Variants in PAPPA observed in about 807,000 individuals in gnomAD.
The protein encoded by PAPPA is pappalysin-1.
PAPPA carries 60 observed loss-of-function variants against 164.0 expected under a neutral mutation model. That is an observed-to-expected ratio of 0.37 (90% confidence interval 0.30 to 0.45). The LOEUF (loss-of-function observed/expected upper bound fraction) is 0.45, where lower values mean the gene tolerates loss of function less well. Ranked by LOEUF, PAPPA falls within the 20% of genes least tolerant of loss-of-function variation. The pLI is 1.00. For synonymous variants in PAPPA, 875 were observed against 814.1 expected, an observed-to-expected ratio of 1.07 and a Z score of -1.27; for missense variants, 1,782 against 2,087.3, an observed-to-expected ratio of 0.85 and a Z score of 2.85.
chr9:116,231,472 C>T (rs1307313101), intron 6 of PAPPA, among the ~76,000 whole-genome samples: 1 of 152,134 alleles, frequency 6.6e-6, no homozygotes, highest in East Asian at 1.9e-4. Context: ...CTTGCCATCT[C>T]CTTGCATGCT....
chr9:116,178,169 C>T (rs1027775422), intron 1 of PAPPA, among the ~76,000 whole-genome samples: 21 of 152,172 alleles, frequency 1.4e-4, no homozygotes, highest in Admixed American at 2.0e-4. Flanking sequence ...TGCAGTGGCG[C>T]GATCTCGGCT....
chr9:116,337,101 C>T lies in PAPPA; in HGVS notation c.3611+2027C>T, dbSNP rs578262575. 5.9e-5 allele frequency among the ~76,000 whole-genome samples: 9 copies of T among 152,298 alleles called. No homozygotes were observed. The East Asian group carries it at 7.7e-4, about 13-fold the overall frequency. On this transcript the variant is annotated intron_variant, in intron 13 of 21. Transcript: ENST00000328252. Reference sequence around the variant, plus strand: ...TCCTGCTTTGTCTGTCCCTGAAAGCCGTGCTCTGCCTACCACAGCAAGGCA... The same window carrying T: ...TCCTGCTTTGTCTGTCCCTGAAAGCTGTGCTCTGCCTACCACAGCAAGGCA...
intron 9 of PAPPA, among the ~76,000 whole-genome samples, chr9:116,299,341 A>T (rs957849604): frequency 6.6e-6 from 1 of 152,018 alleles, no homozygotes; most frequent in African/African-American, 2.4e-5. Context: ...ACCTGCCTGT[A>T]TACCTGTTTA....
At chr9:116,314,058 A>ATTTTTTTTTTTTTT (rs1845756003) in intron 10 of PAPPA, among the ~76,000 whole-genome samples, 1 of 109,900 alleles carries the variant, frequency 9.1e-6, no homozygotes, top group Non-Finnish European at 1.9e-5. Context: ...ATTGCATCGA[A>ATTTTTTTTTTTTTT]TCTTTTTTTT....
At position 116,332,768 on chromosome 9, in the gene PAPPA, T is replaced by C. The variant is rs78273476; in HGVS notation, c.3397+300T>C. ...GACCCCAAGAAGGAGAGAGACTGAG[T>C]AAGAGCCATTTCCCCGTTGTACATG... On this transcript the variant is annotated intron_variant, in intron 12 of 21. Coordinates refer to ENST00000328252, the MANE Select transcript of PAPPA (RefSeq NM_002581.5). 493 of 246,288 alleles carry C rather than the reference T, an allele frequency of 2.0e-3. 4 individuals are homozygous for C. Among genetic ancestry groups the C allele is most frequent in the African/African-American group, 0.01 (465 of 45,732 alleles). The allele number at this position is 246,288 out of a possible 1,614,324, so 15.3% of individuals were successfully genotyped here.
chr9:116,175,171 G>C (rs1402455322), intron 1 of PAPPA, among the ~76,000 whole-genome samples: 2 of 152,112 alleles, frequency 1.3e-5, no homozygotes, highest in African/African-American at 4.8e-5. Context: ...AACATCGAGG[G>C]CCAGAAAGTT....
rs546002936 is a variant in PAPPA, at chr9:116,369,612, C to A, written c.4605+1858C>A. Among the ~76,000 whole-genome samples, 645 of 152,268 alleles carry A rather than the reference C, an allele frequency of 4.2e-3. 3 individuals carry two copies. The highest frequency in any genetic ancestry group is 0.015 in the African/African-American group (614 of 41,560). On this transcript the variant is annotated intron_variant, in intron 19 of 21. Transcript: ENST00000328252. Reference sequence around the variant, plus strand: ...TATCAGAGATCTTCTTGGCCTGGACCAGCCTCCCACTTAAGACCTTTTTCC... The same window carrying A: ...TATCAGAGATCTTCTTGGCCTGGACAAGCCTCCCACTTAAGACCTTTTTCC...
At chr9:116,351,671 A>G (rs1320716619) in intron 15 of PAPPA, among the ~76,000 whole-genome samples, 1 of 152,216 alleles carries the variant, frequency 6.6e-6, no homozygotes, top group Non-Finnish European at 1.5e-5. Flanking sequence ...TAACTTGGTC[A>G]AGTCACCTCT....
intron 20 of PAPPA, among the ~76,000 whole-genome samples, chr9:116,378,250 A>G (rs956027658): frequency 1.3e-5 from 2 of 152,172 alleles, no homozygotes; most frequent in African/African-American, 4.8e-5. Flanking sequence ...TTGGAATTAT[A>G]GAGATCTGTC....
intron 10 of PAPPA, among the ~76,000 whole-genome samples, chr9:116,313,726 T>C (rs993176155): frequency 6.6e-6 from 1 of 152,194 alleles, no homozygotes; most frequent in South Asian, 2.1e-4. Context: ...TAGCCACCTA[T>C]GATATTAAGC....
chr9:116,345,095 T>G (rs911446201), intron 14 of PAPPA, among the ~76,000 whole-genome samples: 4 of 152,182 alleles, frequency 2.6e-5, no homozygotes, highest in African/African-American at 9.7e-5. Flanking sequence ...ATTCACTAAT[T>G]CATTGCAAAG....
At chr9:116,392,863 G>T (rs1250724300) in intron 21 of PAPPA, among the ~76,000 whole-genome samples, 2 of 152,180 alleles carry the variant, frequency 1.3e-5, no homozygotes, top group African/African-American at 4.8e-5. Flanking sequence ...CCAGGGACTT[G>T]CTGAAAGTCA....
At chr9:116,285,025 TGA>T (rs1317917335) in intron 9 of PAPPA, among the ~76,000 whole-genome samples, 3 of 152,102 alleles carry the variant, frequency 2.0e-5, no homozygotes, top group Non-Finnish European at 4.4e-5. Context: ...GCTCTCCAAT[TGA>T]GAGTGTCAGA....
chr9:116,302,861 C>A lies in PAPPA; in HGVS notation c.3058C>A (p.Leu1020Met). 1 of 1,614,064 alleles carries A rather than the reference C, an allele frequency of 6.2e-7. No individual in the cohort carries two copies. Among genetic ancestry groups the A allele is most frequent in the South Asian group, 1.1e-5 (1 of 91,074 alleles). ...DCGVYTPQGF[L>M]DQWASNASVS... ...TGGTGTCTACACGCCCCAGGGATTCCTGGATCAGTGGGCATCCAATGCTTC... is the reference window on the plus strand; with the variant it reads ...TGGTGTCTACACGCCCCAGGGATTCATGGATCAGTGGGCATCCAATGCTTC... The change falls in exon 10 of 22, where the codon CTG becomes ATG. Residue 1020 changes from leucine (L) to methionine (M), a missense_variant. This residue lies in a region of PAPPA where 1,324 missense variants were observed against 1,656.9 expected (regional missense o/e 0.80). Coordinates refer to ENST00000328252, the MANE Select transcript of PAPPA (RefSeq NM_002581.5).
chr9:116,262,334 A>G (rs564324418), intron 7 of PAPPA, among the ~76,000 whole-genome samples: 9 of 152,358 alleles, frequency 5.9e-5, no homozygotes, highest in Non-Finnish European at 1.3e-4. Context: ...ACTACTACGG[A>G]TGGTTGAAGT....
intron 1 of PAPPA, among the ~76,000 whole-genome samples, chr9:116,167,855 C>G (rs1843733804): frequency 6.6e-6 from 1 of 152,174 alleles, no homozygotes; most frequent in Admixed American, 6.5e-5. Flanking sequence ...AATTCTAAAG[C>G]TGGAGTAACA....
chr9:116,391,460 C>A (rs945145820), intron 21 of PAPPA, among the ~76,000 whole-genome samples: 4 of 152,292 alleles, frequency 2.6e-5, no homozygotes, highest in Non-Finnish European at 4.4e-5. Flanking sequence ...CCAACCGGCA[C>A]CCCCACCATG....
intron 20 of PAPPA, among the ~76,000 whole-genome samples, chr9:116,379,978 C>CTAAT (rs1332539854): frequency 2.0e-5 from 3 of 152,212 alleles, no homozygotes; most frequent in Non-Finnish European, 4.4e-5. Flanking sequence ...CCACCCCCAC[C>CTAAT]TAATTAACTC....
intron 9 of PAPPA, among the ~76,000 whole-genome samples, chr9:116,294,078 T>C (rs1845471208): frequency 6.6e-6 from 1 of 152,210 alleles, no homozygotes; most frequent in African/African-American, 2.4e-5. Flanking sequence ...AAGCCAGTTT[T>C]GAGTGTGTAA....
Sources: allele counts gnomAD v4.1 joint callset (sites outside exome capture counted in the v4.1 genomes callset), GRCh38; gene constraint gnomAD v4.1.1; regional missense constraint gnomAD v4.1.1; transcripts MANE v1.5; gene names NCBI Gene and HGNC (gene_info 2026-07-23, HGNC 2026-07-21).